Variants in GRIA4 observed in about 807,000 individuals in gnomAD.
The protein encoded by GRIA4 is glutamate ionotropic receptor AMPA type subunit 4, also known as glutamate receptor 4.
In GRIA4, 34 loss-of-function variants were observed where a neutral mutation model predicts 104.0. The observed-to-expected ratio is 0.33, with a 90% CI of 0.25 to 0.44. The LOEUF is 0.44. Among genes scored for constraint, GRIA4 ranks in the 20% least tolerant of loss-of-function variants. The pLI is 1.00. For synonymous variants in GRIA4, 386 were observed against 381.9 expected (o/e 1.01, Z -0.13); for missense variants, 750 against 1,096.5 (o/e 0.68, Z 4.46).
intron 3 of GRIA4, among the ~76,000 whole-genome samples, chr11:105,625,112 G>A (rs907246100): frequency 2.6e-5 from 4 of 151,950 alleles, no homozygotes; most frequent in African/African-American, 9.7e-5. Context: ...TATATGCCTT[G>A]GAAGATAGAC....
intron 6 of GRIA4, among the ~76,000 whole-genome samples, chr11:105,894,103 A>T (rs946340667): frequency 6.6e-6 from 1 of 152,320 alleles, no homozygotes; most frequent in Middle Eastern, 3.4e-3. Flanking sequence ...TAGCATTCTC[A>T]TTCTCATTTT....
chr11:105,964,558 ACC>A (rs1565369482), intron 14 of GRIA4, among the ~76,000 whole-genome samples: 65 of 152,286 alleles, frequency 4.3e-4, no homozygotes, highest in African/African-American at 1.5e-3. Flanking sequence ...GCTTTATTTT[ACC>A]TATAATTCAT....
intron 4 of GRIA4, among the ~76,000 whole-genome samples, chr11:105,825,327 T>C (rs904375458): frequency 1.8e-4 from 28 of 152,070 alleles, no homozygotes; most frequent in African/African-American, 6.0e-4. Flanking sequence ...GCTGAACTAT[T>C]ATTGAACCAG....
intron 4 of GRIA4, among the ~76,000 whole-genome samples, chr11:105,805,496 A>AAAAAAAAAAAAAAAAAAC (rs1942915452): frequency 7.0e-6 from 1 of 143,064 alleles, no homozygotes; most frequent in African/African-American, 2.5e-5. Context: ...AAAAAAAAAA[A>AAAAAAAAAAAAAAAAAAC]CAAGCCACAA....
intron 5 of GRIA4, among the ~76,000 whole-genome samples, chr11:105,869,694 G>A (rs1410399089): frequency 6.6e-6 from 1 of 152,016 alleles, no homozygotes; most frequent in South Asian, 2.1e-4. Context: ...AAATTATACA[G>A]TATTTATATT....
intron 5 of GRIA4, among the ~76,000 whole-genome samples, chr11:105,869,490 G>C (rs934903237): frequency 6.6e-6 from 1 of 152,044 alleles, no homozygotes; most frequent in Non-Finnish European, 1.5e-5. Flanking sequence ...GGAGAGGTAA[G>C]TTATATTCCT....
At chr11:105,844,252 A>C (rs1591337843) in intron 4 of GRIA4, among the ~76,000 whole-genome samples, 1 of 152,326 alleles carries the variant, frequency 6.6e-6, no homozygotes, top group South Asian at 2.1e-4. Context: ...AATATGAGTG[A>C]GTTTGTGATA....
chr11:105,922,468 T>C (rs913505881), intron 11 of GRIA4, among the ~76,000 whole-genome samples: 4 of 152,150 alleles, frequency 2.6e-5, no homozygotes, highest in Non-Finnish European at 5.9e-5. Context: ...AATTAAAGCA[T>C]GTGTTAGGAT....
At chr11:105,689,798 T>C (rs1232495440) in intron 3 of GRIA4, among the ~76,000 whole-genome samples, 1 of 152,204 alleles carries the variant, frequency 6.6e-6, no homozygotes, top group African/African-American at 2.4e-5. Context: ...ATGCCTCTGG[T>C]GCAGTCAACC....
intron 3 of GRIA4, among the ~76,000 whole-genome samples, chr11:105,619,424 C>T (rs1591447770): frequency 6.6e-6 from 1 of 151,748 alleles, no homozygotes; most frequent in East Asian, 1.9e-4. Flanking sequence ...TTTAATATTT[C>T]AAGTTATTTA....
chr11:105,875,897 TTG>T (rs1164291412), intron 5 of GRIA4, among the ~76,000 whole-genome samples: 1 of 152,160 alleles, frequency 6.6e-6, no homozygotes, highest in Non-Finnish European at 1.5e-5. Context: ...AATGGTTTTT[TTG>T]TGTCTCTGTC....
At chr11:105,766,717 C>A (rs1323080949) in intron 4 of GRIA4, among the ~76,000 whole-genome samples, 1 of 152,120 alleles carries the variant, frequency 6.6e-6, no homozygotes, top group Non-Finnish European at 1.5e-5. Flanking sequence ...CTGCTTGAAG[C>A]TGCCCAGTGG....
intron 3 of GRIA4, among the ~76,000 whole-genome samples, chr11:105,615,753 GA>G (rs1173434684): frequency 6.6e-6 from 1 of 151,708 alleles, no homozygotes; most frequent in African/African-American, 2.4e-5. Context: ...CAAAACATTT[GA>G]GATAACCCAA....
In GRIA4 at chr11:105,839,484, A is replaced by G. The variant is rs1455692903; in HGVS notation, c.488-22540A>G. ...TACCTTTTTAGATCATGTAATCGCT[A>G]TCTCATTTTATTTTGCTATAAAATG... is the stretch of plus-strand genomic sequence containing the variant. On this transcript the variant is annotated intron_variant, in intron 4 of 16. Coordinates refer to ENST00000282499, the MANE Select transcript of GRIA4 (RefSeq NM_000829.4). 2.2e-5 allele frequency among the ~76,000 whole-genome samples: 3 copies of G among 139,242 alleles called. No homozygotes were observed. In the Admixed American group the frequency reaches 2.2e-4, roughly 10 times the overall value. The allele number at this position is 139,242 out of a possible 152,430, so 91.3% of individuals were successfully genotyped here.
intron 10 of GRIA4, among the ~76,000 whole-genome samples, chr11:105,918,155 A>G (rs1947462564): frequency 6.6e-6 from 1 of 152,106 alleles, no homozygotes; most frequent in Non-Finnish European, 1.5e-5. Flanking sequence ...CTATTGATTC[A>G]TTTTTTCTTT....
intron 14 of GRIA4, among the ~76,000 whole-genome samples, chr11:105,961,114 G>C (rs1434537740): frequency 6.6e-6 from 1 of 152,190 alleles, no homozygotes; most frequent in Non-Finnish European, 1.5e-5. Flanking sequence ...GAATGAGAAT[G>C]CCTGCTCCTC....
At chr11:105,740,748 T>C (rs1016757305) in intron 3 of GRIA4, among the ~76,000 whole-genome samples, 2 of 152,080 alleles carry the variant, frequency 1.3e-5, no homozygotes, top group African/African-American at 2.4e-5. Flanking sequence ...AGTCCAACTA[T>C]ATGTAGATCA....
intron 6 of GRIA4, among the ~76,000 whole-genome samples, chr11:105,891,491 CCA>C (rs1307609802): frequency 2.0e-5 from 3 of 152,052 alleles, no homozygotes; most frequent in Non-Finnish European, 2.9e-5. Context: ...CTACTTGACC[CCA>C]CAGTTTTTCC....
At chr11:105,796,224 T>C (rs1942474687) in intron 4 of GRIA4, among the ~76,000 whole-genome samples, 1 of 152,210 alleles carries the variant, frequency 6.6e-6, no homozygotes, top group Non-Finnish European at 1.5e-5. Flanking sequence ...TCAAATGCAG[T>C]ACATTTGGCA....
Sources: allele counts gnomAD v4.1 joint callset (sites outside exome capture counted in the v4.1 genomes callset), GRCh38; gene constraint gnomAD v4.1.1; transcripts MANE v1.5; gene names NCBI Gene and HGNC (gene_info 2026-07-23, HGNC 2026-07-21).